Variants in CCDC93 observed in about 807,000 individuals in gnomAD.
CCDC93 encodes the protein coiled-coil domain-containing protein 93.
A neutral mutation model predicts 108.2 loss-of-function variants in CCDC93; 61 were observed. The ratio of observed to expected loss-of-function variants is 0.56; its 90% CI spans 0.46 to 0.70. The LOEUF is 0.70. Ranked by LOEUF, CCDC93 falls within the 30% of genes least tolerant of loss-of-function variation. The pLI is 0.00. For missense variants in CCDC93, 685 were observed against 764.2 expected (o/e 0.90, Z 1.22); for synonymous variants, 276 against 260.4 (o/e 1.06, Z -0.58).
intron 6 of CCDC93, among the ~76,000 whole-genome samples, chr2:117,988,265 G>A (rs927589094): frequency 2.0e-5 from 3 of 152,062 alleles, no homozygotes; most frequent in African/African-American, 7.2e-5. Flanking sequence ...TTGCCTGTCT[G>A]GGTTACAAGT....
Position 117,995,303 on chromosome 2 carries a change from G to C in CCDC93, c.519+143C>G. The C allele has an allele frequency of 4.2e-6, 3 of 708,600 alleles. No homozygotes were observed. In the Admixed American group the frequency reaches 6.8e-5, roughly 16 times the overall value. 43.9% of individuals were successfully genotyped at this position (708,600 alleles called of 1,614,324 possible). Reference sequence around the variant, plus strand: ...GGCCCTGAGCAGTAAAGCAGGCGGGGCTTCCCTCACACAGCCATCTGAGTC... The same window carrying C: ...GGCCCTGAGCAGTAAAGCAGGCGGGCCTTCCCTCACACAGCCATCTGAGTC... On this transcript the variant is annotated intron_variant, in intron 6 of 23. Transcript: ENST00000376300.
At chr2:117,948,835 T>G (rs1409945744) in intron 14 of CCDC93, among the ~76,000 whole-genome samples, 4 of 152,214 alleles carry the variant, frequency 2.6e-5, no homozygotes, top group Non-Finnish European at 5.9e-5. Flanking sequence ...TTCTCTCCTC[T>G]AATGCTCTAA....
chr2:117,974,506 G>A (rs939817481), intron 10 of CCDC93, among the ~76,000 whole-genome samples: 5 of 152,086 alleles, frequency 3.3e-5, no homozygotes, highest in African/African-American at 7.2e-5. Context: ...TCAAAATCCC[G>A]CTTCCTACCT....
At chr2:118,007,862 T>C (rs1573534928) in intron 2 of CCDC93, among the ~76,000 whole-genome samples, 1 of 152,230 alleles carries the variant, frequency 6.6e-6, no homozygotes, top group Non-Finnish European at 1.5e-5. Flanking sequence ...CAGCCAGGAC[T>C]GTGACCCCGT....
chr2:117,920,760 A>G (rs1029795702), intron 23 of CCDC93, among the ~76,000 whole-genome samples: 5 of 152,224 alleles, frequency 3.3e-5, no homozygotes, highest in Admixed American at 2.6e-4. Context: ...CTTTGGAGAC[A>G]GCAGCCTAAA....
At chr2:117,937,852 C>T (rs1256248671) in intron 20 of CCDC93, among the ~76,000 whole-genome samples, 1 of 152,142 alleles carries the variant, frequency 6.6e-6, no homozygotes, top group African/African-American at 2.4e-5. Flanking sequence ...ACTGTGTAAG[C>T]CCCGGATACA....
chr2:118,008,856 G>A (rs1413779382), intron 1 of CCDC93, 198 bp from the exon 2 acceptor site: 27 of 547,912 alleles, frequency 4.9e-5, no homozygotes, highest in South Asian at 2.6e-4. Context: ...ATGGGTCCGC[G>A]GTCCTCAACG....
chr2:118,008,819 A>AT (rs1223392310), intron 1 of CCDC93, 161 bp from the exon 2 acceptor site: 26 of 599,822 alleles, frequency 4.3e-5, no homozygotes, highest in Non-Finnish European at 6.2e-5. Context: ...ACACAGAAGT[A>AT]TGTGGACAGT....
At chr2:117,944,891 C>T (rs1412345450) in intron 17 of CCDC93, 10 of 453,700 alleles carry the variant, frequency 2.2e-5, no homozygotes, top group Middle Eastern at 3.3e-4. Flanking sequence ...ACTTCCTTTC[C>T]TATCTCTTTC....
At position 117,941,361 on chromosome 2, in the gene CCDC93, A is replaced by T; in HGVS notation, c.1414-64T>A. 4 of 1,340,874 alleles carry T rather than the reference A, an allele frequency of 3.0e-6. No individual in the cohort carries two copies. In the South Asian group the frequency reaches 4.7e-5, roughly 16 times the overall value. 83.1% of individuals were successfully genotyped at this position (1,340,874 alleles called of 1,614,324 possible). A position where few individuals can be genotyped will look rare whatever the true frequency, so the allele number is the denominator to read the frequency against. ...AAAAGGCCTTACATGTTCTCTAGGG[A>T]GCCAAAATATTGCCTGCACCCCGAC... is the stretch of plus-strand genomic sequence containing the variant. On this transcript the variant is annotated intron_variant, in intron 18 of 23. Transcript: ENST00000376300.
intron 13 of CCDC93, 140 bp downstream of exon 13, chr2:117,952,233 C>A: frequency 1.4e-6 from 1 of 695,592 alleles, no homozygotes; most frequent in South Asian, 1.6e-5. Context: ...TGTCCTATGT[C>A]CTCAAAATGA....
At position 117,916,021 on chromosome 2, in the gene CCDC93, T is replaced by C. The variant is rs1677672116; in HGVS notation, c.*4322A>G. ...TATTACAATGTTTCAACAAAAACTCTTGTACACAAGTACCTTGTACACAGG... is the reference window on the plus strand; with the variant it reads ...TATTACAATGTTTCAACAAAAACTCCTGTACACAAGTACCTTGTACACAGG... On this transcript the variant is annotated 3_prime_UTR_variant, in exon 24 of 24. Transcript: ENST00000376300. 3 of 152,272 alleles carry C rather than the reference T, an allele frequency of 2.0e-5. No homozygotes were observed. The highest frequency in any genetic ancestry group is 4.8e-5 in the African/African-American group (2 of 41,478). The allele number at this position is 152,272 out of a possible 1,614,324, so 9.4% of individuals were successfully genotyped here. A position where few individuals can be genotyped will look rare whatever the true frequency, so the allele number is the denominator to read the frequency against.
At chr2:117,926,538 G>C (rs1348180126) in intron 23 of CCDC93, among the ~76,000 whole-genome samples, 10 of 152,030 alleles carry the variant, frequency 6.6e-5, no homozygotes, top group South Asian at 2.1e-4. Context: ...ATAAATTCCT[G>C]GACACATACA....
intron 23 of CCDC93, among the ~76,000 whole-genome samples, chr2:117,928,462 C>G (rs1678204061): frequency 6.6e-6 from 1 of 152,318 alleles, no homozygotes; most frequent in Admixed American, 6.5e-5. Context: ...CATGAACAGA[C>G]ACTTCTCAAA....
At chr2:117,986,686 A>G (rs1051267346) in intron 6 of CCDC93, among the ~76,000 whole-genome samples, 1 of 152,202 alleles carries the variant, frequency 6.6e-6, no homozygotes, top group African/African-American at 2.4e-5. Context: ...TACAGTTTCG[A>G]GCATACAGAA....
chr2:118,008,613 T>C lies in CCDC93; in HGVS notation c.88A>G (p.Ile30Val), dbSNP rs1380102236. 5.0e-6 allele frequency: 8 copies of C among 1,613,722 alleles called. No individual in the cohort carries two copies. In the Admixed American group the frequency reaches 5.0e-5, roughly 10 times the overall value. Residue 30 changes from isoleucine (I) to valine (V), a missense_variant, in exon 2 of 24, where the codon ATT becomes GTT. Physicochemically the swap from Ile to Val is conservative, Grantham distance 29. Transcript: ENST00000376300. ...DEEQNVKLTE[I>V]LELLVAAGYF... ...CCAGCTGCAACCAAGAGCTCCAGAA[T>C]TTCAGTCAACTTGACATTTTGTTCT...
chr2:118,013,607 G>T (rs1472817377), intron 1 of CCDC93, among the ~76,000 whole-genome samples: 1 of 152,200 alleles, frequency 6.6e-6, no homozygotes, highest in Non-Finnish European at 1.5e-5. Context: ...TAGCCCTGCG[G>T]CGCGGGGTGG....
At chr2:117,941,704 C>T (rs531690337) in intron 18 of CCDC93, among the ~76,000 whole-genome samples, 1 of 152,304 alleles carries the variant, frequency 6.6e-6, no homozygotes, top group African/African-American at 2.4e-5. Flanking sequence ...TTGCCGCCTC[C>T]ACATACATCC....
In CCDC93 at chr2:117,973,734, G is replaced by C. The variant is rs151106741; in HGVS notation, c.888+174C>G. 1.1e-3 allele frequency among the ~76,000 whole-genome samples: 172 copies of C among 152,214 alleles called. 3 individuals carry two copies. Among genetic ancestry groups the C allele is most frequent in the African/African-American group, 4.0e-3 (165 of 41,510 alleles). ...GCAGGACAAAATTAATTTAACTAAC[G>C]GGCAAGTGCTGATAGCCGGTTGTGC... On this transcript the variant is annotated intron_variant, in intron 11 of 23. Coordinates refer to ENST00000376300, the MANE Select transcript of CCDC93 (RefSeq NM_019044.5).
Sources: allele counts gnomAD v4.1 joint callset (sites outside exome capture counted in the v4.1 genomes callset), GRCh38; gene constraint gnomAD v4.1.1; transcripts MANE v1.5; gene names NCBI Gene and HGNC (gene_info 2026-07-23, HGNC 2026-07-21).